The following ASIC2 variants were observed in gnomAD, a reference collection of about 807,000 sequenced individuals.
ASIC2 encodes the protein acid-sensing ion channel 2.
ASIC2 carries 25 observed loss-of-function variants against 57.3 expected under a neutral mutation model. The ratio of observed to expected loss-of-function variants is 0.44; its 90% CI spans 0.32 to 0.61. ASIC2 has a LOEUF of 0.61. Among genes scored for constraint, ASIC2 ranks in the 20% least tolerant of loss-of-function variants. The probability of loss-of-function intolerance (pLI) is 0.06; values close to 1 mark genes in which losing one functional copy is unlikely to be tolerated. For missense variants in ASIC2, 641 were observed against 738.1 expected (o/e 0.87, Z 1.52); for synonymous variants, 319 against 307.5 (o/e 1.04, Z -0.39).
chr17:33,212,949 T>C (rs1031821570), intron 1 of ASIC2, among the ~76,000 whole-genome samples: 3 of 152,358 alleles, frequency 2.0e-5, no homozygotes, highest in Middle Eastern at 3.4e-3. Context: ...GATAAAACAC[T>C]TTATTTCTCT....
At chr17:33,105,754 G>A (rs2092232121) in intron 2 of ASIC2, among the ~76,000 whole-genome samples, 1 of 152,228 alleles carries the variant, frequency 6.6e-6, no homozygotes, top group Non-Finnish European at 1.5e-5. Context: ...AATGCTGACA[G>A]TGACATGGAC....
intron 1 of ASIC2, among the ~76,000 whole-genome samples, chr17:33,482,602 T>C: frequency 6.6e-6 from 1 of 152,232 alleles, no homozygotes; most frequent in Non-Finnish European, 1.5e-5. Flanking sequence ...TGCTATAATC[T>C]CCATTCCACA....
chr17:33,215,022 T>A (rs142975645), intron 1 of ASIC2, among the ~76,000 whole-genome samples: 29 of 152,312 alleles, frequency 1.9e-4, no homozygotes, highest in African/African-American at 6.3e-4. Flanking sequence ...GGCTTCCCTA[T>A]ACATGAAGAC....
At chr17:33,696,965 C>G in intron 1 of ASIC2, among the ~76,000 whole-genome samples, 1 of 152,116 alleles carries the variant, frequency 6.6e-6, no homozygotes, top group Non-Finnish European at 1.5e-5. Context: ...GTGATTGGAT[C>G]ATGAGGACAG....
rs1555562483 is a variant in ASIC2 at position 33,799,403 on chromosome 17, T to TTTTCTTTCTTTC, written c.555+356563_555+356574dup. On this transcript the variant is annotated intron_variant, in intron 1 of 9. Coordinates refer to the ASIC2 transcript ENST00000359872. The stretch of plus-strand genomic sequence containing the variant: ...CTTTCTTTCTTTCTTTCTTTCTTTC[T>TTTTCTTTCTTTC]TTTCTTTCTTTCTTTCTTTCTTTCT... 2.1e-4 allele frequency among the ~76,000 whole-genome samples: 11 copies of TTTTCTTTCTTTC among 51,360 alleles called. No individual in the cohort carries two copies. In the South Asian group the frequency reaches 2.3e-3, roughly 11 times the overall value. 33.7% of individuals were successfully genotyped at this position (51,360 alleles called of 152,430 possible).
intron 1 of ASIC2, among the ~76,000 whole-genome samples, chr17:33,945,671 T>G (rs571027359): frequency 1.3e-4 from 20 of 152,274 alleles, no homozygotes; most frequent in Non-Finnish European, 2.1e-4. Flanking sequence ...GTGACCTAAA[T>G]GAATCCCACA....
chr17:33,484,163 A>G (rs1913504382), intron 1 of ASIC2, among the ~76,000 whole-genome samples: 1 of 152,248 alleles, frequency 6.6e-6, no homozygotes, highest in Non-Finnish European at 1.5e-5. Flanking sequence ...ACTACAACAG[A>G]ATACATTTGT....
chr17:33,793,414 G>A (rs1911827698), intron 1 of ASIC2: 1 of 152,190 alleles, frequency 6.6e-6, no homozygotes, highest in Non-Finnish European at 1.5e-5. Flanking sequence ...GATCTGCTGT[G>A]GGCCAACCTC....
In ASIC2 at chr17:33,025,974, G is replaced by C; in HGVS notation, c.1147C>G (p.Pro383Ala). ...CRMVHMPGDA[P>A]FCTPEQHKEC... is the part of the protein sequence containing the mutation. Reference sequence around the variant, plus strand: ...TTGTGCTGCTCAGGGGTACAAAAAGGGGCATCCCCTGCAAAGAAGAAACAC... The same window carrying C: ...TTGTGCTGCTCAGGGGTACAAAAAGCGGCATCCCCTGCAAAGAAGAAACAC... Residue 383 changes from proline to alanine, a missense_variant, in exon 5 of 10, where the codon CCT (proline) becomes GCT (alanine). Coordinates refer to ENST00000225823, the MANE Select transcript of ASIC2 (RefSeq NM_183377.2). 2 of 1,613,616 alleles carry C rather than the reference G, an allele frequency of 1.2e-6. No homozygotes were observed. Among genetic ancestry groups the C allele is most frequent in the South Asian group, 1.1e-5 (1 of 90,974 alleles).
rs199654177 is a variant in ASIC2 at position 33,267,120 on chromosome 17, G to T, written c.708+24288C>A. 5.3e-5 allele frequency among the ~76,000 whole-genome samples: 8 copies of T among 152,270 alleles called. No individual in the cohort carries two copies. The East Asian group carries it at 7.7e-4, about 15-fold the overall frequency. ...AAGGATGGGGCAGGAACAAGAAAAA[G>T]AACATACTGGTGACATCCTGGCAGG... On this transcript the variant is annotated intron_variant, in intron 1 of 9. Coordinates refer to ENST00000225823, the MANE Select transcript of ASIC2 (RefSeq NM_183377.2).
chr17:33,698,278 T>C (rs533685156), intron 1 of ASIC2, among the ~76,000 whole-genome samples: 22 of 152,322 alleles, frequency 1.4e-4, no homozygotes, highest in Non-Finnish European at 1.3e-4. Context: ...TTCTACTTCA[T>C]ATGGGGTTTA....
At position 33,452,833 on chromosome 17, in the gene ASIC2, A is replaced by G. The variant is rs190207351; in HGVS notation, c.556-340766T>C. Among the ~76,000 whole-genome samples the G allele has an allele frequency of 2.6e-5, 4 of 151,252 alleles. No individual in the cohort carries two copies. The East Asian group carries it at 7.8e-4, about 30-fold the overall frequency. ...GGTTTATGTGCAGGGTGTACTTGTC[A>G]GGGGCTCAGTCTTGCAGGGCTGGAA... On this transcript the variant is annotated intron_variant, in intron 1 of 9. Coordinates refer to the ASIC2 transcript ENST00000359872.
intron 1 of ASIC2, among the ~76,000 whole-genome samples, chr17:33,849,190 T>G (rs538675915): frequency 6.6e-6 from 1 of 152,304 alleles, no homozygotes; most frequent in East Asian, 1.9e-4. Flanking sequence ...TGAGATCCTG[T>G]GCTGAGTCCC....
intron 1 of ASIC2, among the ~76,000 whole-genome samples, chr17:33,620,151 A>G (rs1300608428): frequency 6.7e-6 from 1 of 149,436 alleles, no homozygotes; most frequent in African/African-American, 2.5e-5. Flanking sequence ...GTAAAAGTGC[A>G]GTATCTTTAA....
rs1038740998 is a variant in ASIC2, at chr17:33,763,782, TAA to T, written c.555+392194_555+392195del. 1.7e-4 allele frequency among the ~76,000 whole-genome samples: 26 copies of T among 152,376 alleles called. 1 individual carries two copies. The highest frequency in any genetic ancestry group is 5.5e-4 in the African/African-American group (23 of 41,592). Reference sequence around the variant, plus strand: ...CAGGCCAACCTATGGTAGACATATGTAAAGTCACTGAGATTTTCTGGTTGCCT... The same window carrying T: ...CAGGCCAACCTATGGTAGACATATGTAGTCACTGAGATTTTCTGGTTGCCT... On this transcript the variant is annotated intron_variant, in intron 1 of 9. Coordinates refer to the ASIC2 transcript ENST00000359872.
intron 1 of ASIC2, among the ~76,000 whole-genome samples, chr17:33,657,665 T>G (rs1207456528): frequency 1.3e-5 from 2 of 151,356 alleles, no homozygotes; most frequent in African/African-American, 2.4e-5. Flanking sequence ...GGCAGAAACT[T>G]CTGGGCCAGC....
At chr17:33,985,394 C>CT (rs1433031088) in intron 1 of ASIC2, among the ~76,000 whole-genome samples, 1 of 152,142 alleles carries the variant, frequency 6.6e-6, no homozygotes, top group Admixed American at 6.5e-5. Context: ...TTAATGTGTC[C>CT]TCGGAGTGTC....
At chr17:34,062,372 A>G (rs1908999640) in intron 1 of ASIC2, among the ~76,000 whole-genome samples, 1 of 152,122 alleles carries the variant, frequency 6.6e-6, no homozygotes, top group African/African-American at 2.4e-5. Flanking sequence ...ATGCAGCAAA[A>G]GTGGCGTTAA....
intron 1 of ASIC2, among the ~76,000 whole-genome samples, chr17:33,590,767 TAC>T (rs1472965079): frequency 6.6e-5 from 10 of 152,310 alleles, no homozygotes; most frequent in African/African-American, 2.2e-4. Flanking sequence ...TCCTGAGACA[TAC>T]AAAGGAAGCC....
Sources: gnomAD v4.1 joint callset for allele counts (sites outside exome capture counted in the v4.1 genomes callset) on GRCh38, gnomAD v4.1.1 for gene constraint, MANE v1.5 for transcripts, NCBI Gene and HGNC (gene_info 2026-07-23, HGNC 2026-07-21) for gene names.